ALK: variants seen among roughly 807,000 people sequenced by gnomAD.
The protein encoded by ALK is ALK tyrosine kinase receptor.
Under a neutral mutation model 163.1 loss-of-function variants are expected in ALK, and 74 were observed. The ratio of observed to expected loss-of-function variants is 0.45; its 90% CI spans 0.38 to 0.55. The LOEUF (loss-of-function observed/expected upper bound fraction) is 0.55, where lower values mean the gene tolerates loss of function less well. Ranked by LOEUF, ALK falls within the 20% of genes least tolerant of loss-of-function variation. ALK has a pLI of 0.00. For missense variants in ALK, 2,063 were observed against 2,105.3 expected (o/e 0.98, Z 0.39); for synonymous variants, 960 against 843.2 (o/e 1.14, Z -2.40).
chr2:29,645,284 G>A (rs1048914506), intron 3 of ALK, among the ~76,000 whole-genome samples: 1 of 151,996 alleles, frequency 6.6e-6, no homozygotes, highest in African/African-American at 2.4e-5. Context: ...TATTACACAC[G>A]GAACAAAACC....
rs1664054000 is a variant in ALK at position 29,227,799 on chromosome 2, GA to G, written c.2816-128del. 1.4e-6 allele frequency: 1 copy of G among 728,016 alleles called. No individual in the cohort carries two copies. Among genetic ancestry groups the G allele is most frequent in the Admixed American group, 2.1e-5 (1 of 48,240 alleles). 45.1% of individuals were successfully genotyped at this position (728,016 alleles called of 1,614,324 possible). On this transcript the variant is annotated intron_variant, in intron 16 of 28. Coordinates refer to ENST00000389048, the MANE Select transcript of ALK (RefSeq NM_004304.5). The surrounding 1 kb of genome is among the most constrained non-coding windows in gnomAD (Gnocchi z 4.4). ...GGTCACTGGGGACCTCAGGGGCAGG[GA>G]TGCGGGGAGGGAAGGGAGGCTCAGG...
chr2:29,197,508 G>A (rs2148143083), intron 27 of ALK, 34 bp downstream of exon 27: 1 of 1,611,368 alleles, frequency 6.2e-7, no homozygotes, highest in East Asian at 2.2e-5. Context: ...AAACTGCTTA[G>A]TAACTAGCAG....
chr2:29,343,198 A>T (rs553606341), intron 5 of ALK, among the ~76,000 whole-genome samples: 47 of 132,224 alleles, frequency 3.6e-4, no homozygotes, highest in Admixed American at 2.6e-3. Flanking sequence ...TCTTTTTTTT[A>T]AAATTTAAAA....
intron 5 of ALK, among the ~76,000 whole-genome samples, chr2:29,345,232 A>G (rs1197598717): frequency 6.6e-6 from 1 of 151,930 alleles, no homozygotes; most frequent in Middle Eastern, 3.4e-3. Flanking sequence ...TGTCTCTACT[A>G]AAAATACAAA....
intron 3 of ALK, among the ~76,000 whole-genome samples, chr2:29,598,532 C>G (rs1253342386): frequency 6.6e-6 from 1 of 152,180 alleles, no homozygotes; most frequent in Non-Finnish European, 1.5e-5. Flanking sequence ...GCTTCACAGT[C>G]TTGCAAGTAG....
chr2:29,533,963 G>A (rs1558371695), intron 3 of ALK, among the ~76,000 whole-genome samples: 1 of 152,166 alleles, frequency 6.6e-6, no homozygotes, highest in Non-Finnish European at 1.5e-5. Context: ...AAAGATACTG[G>A]CAGAATGGAC....
intron 26 of ALK, among the ~76,000 whole-genome samples, chr2:29,200,769 A>ACGTATATATG (rs1306219838): frequency 2.2e-5 from 3 of 138,024 alleles, no homozygotes; most frequent in African/African-American, 7.9e-5. Context: ...ATGTATATAT[A>ACGTATATATG]TACGTATATA....
chr2:29,565,157 C>T (rs1178185365), intron 3 of ALK, among the ~76,000 whole-genome samples: 1 of 152,234 alleles, frequency 6.6e-6, no homozygotes, highest in Non-Finnish European at 1.5e-5. Flanking sequence ...TGACATTGCC[C>T]TCTGTGGCAG....
intron 1 of ALK, among the ~76,000 whole-genome samples, chr2:29,718,796 G>C (rs1001201692): frequency 1.3e-5 from 2 of 152,206 alleles, no homozygotes; most frequent in African/African-American, 4.8e-5. Context: ...TGAATGGGCT[G>C]ACCTGCTATT....
At chr2:29,290,922 G>A (rs1210306631) in intron 9 of ALK, among the ~76,000 whole-genome samples, 3 of 152,146 alleles carry the variant, frequency 2.0e-5, no homozygotes, top group South Asian at 2.1e-4. Context: ...GGCCGTGCGG[G>A]GAATGGTCTG....
intron 3 of ALK, among the ~76,000 whole-genome samples, chr2:29,694,146 T>C (rs150943849): frequency 2.6e-5 from 4 of 152,350 alleles, no homozygotes; most frequent in African/African-American, 9.6e-5. Context: ...AGTGCCTTCA[T>C]GTCTCTGTCT....
chr2:29,804,694 A>C (rs544190831), intron 1 of ALK, among the ~76,000 whole-genome samples: 1 of 152,182 alleles, frequency 6.6e-6, no homozygotes, highest in East Asian at 1.9e-4. Flanking sequence ...GACTTTTTCC[A>C]AGTTGGAAAG....
intron 3 of ALK, among the ~76,000 whole-genome samples, chr2:29,533,476 T>G (rs1673171271): frequency 6.6e-6 from 1 of 152,182 alleles, no homozygotes; most frequent in South Asian, 2.1e-4. Context: ...TTTCTGGACT[T>G]CTAAGCAGTA....
chr2:29,579,582 G>A (rs1433163251), intron 3 of ALK, among the ~76,000 whole-genome samples: 1 of 152,140 alleles, frequency 6.6e-6, no homozygotes, highest in Non-Finnish European at 1.5e-5. Context: ...ATACACTTTG[G>A]TGATATTTTG....
At chr2:29,447,962 A>C (rs1362786395) in intron 4 of ALK, among the ~76,000 whole-genome samples, 1 of 152,216 alleles carries the variant, frequency 6.6e-6, no homozygotes, top group Non-Finnish European at 1.5e-5. Context: ...GTGAACAAAA[A>C]CTGATAAGGA....
chr2:29,577,934 C>T (rs374775583), intron 3 of ALK, among the ~76,000 whole-genome samples: 20 of 152,260 alleles, frequency 1.3e-4, no homozygotes, highest in East Asian at 5.8e-4. Flanking sequence ...TGAGGGGTGG[C>T]GGCACTGGCA....
chr2:29,789,612 T>A (rs546965974), intron 1 of ALK, among the ~76,000 whole-genome samples: 2 of 152,268 alleles, frequency 1.3e-5, no homozygotes, highest in African/African-American at 4.8e-5. Context: ...TAAACCAAAC[T>A]GTATGGTGGA....
intron 1 of ALK, among the ~76,000 whole-genome samples, chr2:29,790,646 C>T (rs748715572): frequency 7.9e-5 from 12 of 152,174 alleles, no homozygotes; most frequent in Non-Finnish European, 1.6e-4. Flanking sequence ...TGCAATGGCA[C>T]GATCTCGGCT....
intron 1 of ALK, among the ~76,000 whole-genome samples, chr2:29,829,927 T>C (rs1665318726): frequency 6.6e-6 from 1 of 152,248 alleles, no homozygotes; most frequent in African/African-American, 2.4e-5. Context: ...TGTCAGCCTC[T>C]GGGTGAACAT....
Sources: allele counts gnomAD v4.1 joint callset (sites outside exome capture counted in the v4.1 genomes callset), GRCh38; gene constraint gnomAD v4.1.1; non-coding constraint Gnocchi (gnomAD v3.1); transcripts MANE v1.5; gene names NCBI Gene and HGNC (gene_info 2026-07-23, HGNC 2026-07-21).